Variants in POLR3H observed in about 807,000 individuals in gnomAD.
POLR3H encodes DNA-directed RNA polymerase III subunit RPC8.
POLR3H carries 17 observed loss-of-function variants against 25.5 expected under a neutral mutation model. The ratio of observed to expected loss-of-function variants is 0.67; its 90% confidence interval spans 0.46 to 1.00. The LOEUF (loss-of-function observed/expected upper bound fraction) is 1.00. Among genes scored for constraint, POLR3H ranks in the 50% least tolerant of loss-of-function variants. POLR3H has a pLI of 0.00. For synonymous variants in POLR3H, 129 were observed against 103.0 expected (o/e 1.25, Z -1.53); for missense variants, 274 against 265.0 (o/e 1.03, Z -0.24).
chr22:41,541,994 G>A (rs2066936028), intron 1 of POLR3H, among the ~76,000 whole-genome samples: 1 of 152,130 alleles, frequency 6.6e-6, no homozygotes, highest in Non-Finnish European at 1.5e-5. Flanking sequence ...ACAGGGCTGT[G>A]TGGCCTGGCC....
chr22:41,528,686 C>T lies in POLR3H; in HGVS notation c.*597G>A. ...TGTGCCATCAGTGGATCCGATCCGT[C>T]CAGCCATGGCTTCCTATTCCAAGAT... On this transcript the variant is annotated 3_prime_UTR_variant, in exon 6 of 6. Coordinates refer to ENST00000355209, the MANE Select transcript of POLR3H (RefSeq NM_001018050.4). 1.3e-6 allele frequency: 2 copies of T among 1,557,588 alleles called. No individual in the cohort carries two copies. The highest frequency in any genetic ancestry group is 1.7e-6 in the Non-Finnish European group (2 of 1,153,954).
At chr22:41,531,361 G>A (rs1601947643) in intron 4 of POLR3H, among the ~76,000 whole-genome samples, 1 of 152,360 alleles carries the variant, frequency 6.6e-6, no homozygotes, top group African/African-American at 2.4e-5. Flanking sequence ...AACCAGCCGG[G>A]CTGCGCCAGG....
At chr22:41,536,248 A>T (rs1473859847) in intron 2 of POLR3H, among the ~76,000 whole-genome samples, 1 of 151,630 alleles carries the variant, frequency 6.6e-6, no homozygotes, top group Admixed American at 6.6e-5. Flanking sequence ...AAAAAAAATT[A>T]GCCGGGCGTG....
At chr22:41,530,638 T>C (rs749397481) in intron 5 of POLR3H, 49 bp downstream of exon 5, 4 of 1,535,624 alleles carry the variant, frequency 2.6e-6, no homozygotes, top group Non-Finnish European at 2.7e-6. Context: ...AGCCCTGCAC[T>C]CCGGCTCTCC....
intron 1 of POLR3H, among the ~76,000 whole-genome samples, chr22:41,541,564 C>G (rs573331552): frequency 6.6e-6 from 1 of 152,188 alleles, no homozygotes; most frequent in African/African-American, 2.4e-5. Context: ...AGAGTCGTGG[C>G]CAGACCTCAC....
rs945176259 is a variant in POLR3H, at chr22:41,527,796, A to T, written c.*1487T>A. 24 of 1,557,648 alleles carry T rather than the reference A, an allele frequency of 1.5e-5. No homozygotes were observed. The highest frequency in any genetic ancestry group is 2.1e-5 in the Non-Finnish European group (24 of 1,146,356). On this transcript the variant is annotated 3_prime_UTR_variant, in exon 6 of 6. Coordinates refer to ENST00000355209, the MANE Select transcript of POLR3H (RefSeq NM_001018050.4). The stretch of plus-strand genomic sequence containing the variant: ...ATAGTCACTGCCCGGGCATTGTCCC[A>T]GGCAGCAGGATTAGGGGCATCTCCC...
At position 41,543,973 on chromosome 22, in the gene POLR3H, G is replaced by T. The variant is rs374288818; in HGVS notation, c.111+18C>A. On this transcript the variant is annotated intron_variant, in intron 1 of 5. Transcript: ENST00000355209. ...CTCTCCCACGCCAAGGCCTGCCCGCGAGCCGTGGGCCCAGTACCTTGTTGG... is the reference window on the plus strand; with the variant it reads ...CTCTCCCACGCCAAGGCCTGCCCGCTAGCCGTGGGCCCAGTACCTTGTTGG... The T allele has an allele frequency of 2.5e-6, 4 of 1,584,854 alleles. No individual in the cohort carries two copies. The highest frequency in any genetic ancestry group is 3.3e-4 in the Middle Eastern group (2 of 6,002).
intron 1 of POLR3H, among the ~76,000 whole-genome samples, chr22:41,542,069 G>A (rs1243954759): frequency 6.6e-6 from 1 of 151,518 alleles, no homozygotes; most frequent in Non-Finnish European, 1.5e-5. Context: ...CCACACCATG[G>A]TGGGTATTTT....
Position 41,527,829 on chromosome 22 carries a change from C to G in POLR3H, c.*1454G>C. The G allele has an allele frequency of 6.2e-7, 1 of 1,610,710 alleles. No individual in the cohort carries two copies. Among genetic ancestry groups the G allele is most frequent in the Non-Finnish European group, 8.5e-7 (1 of 1,178,562 alleles). On this transcript the variant is annotated 3_prime_UTR_variant, in exon 6 of 6. Coordinates refer to ENST00000355209, the MANE Select transcript of POLR3H (RefSeq NM_001018050.4). ...GGATTAGGGGCATCTCCCAGAGCCC[C>G]AGATGGGTTCAGAAAATGAAGCTCT... is the stretch of plus-strand genomic sequence containing the variant.
intron 1 of POLR3H, among the ~76,000 whole-genome samples, chr22:41,541,513 G>A (rs191077678): frequency 6.6e-6 from 1 of 152,174 alleles, no homozygotes; most frequent in Non-Finnish European, 1.5e-5. Context: ...TAGAACCCTT[G>A]CAAGAACTGT....
intron 1 of POLR3H, among the ~76,000 whole-genome samples, chr22:41,542,814 C>A (rs946571936): frequency 2.0e-5 from 3 of 151,996 alleles, no homozygotes; most frequent in Non-Finnish European, 4.4e-5. Flanking sequence ...ACCAGCCTGG[C>A]CAACATGGTG....
In POLR3H at chr22:41,529,356, C is replaced by A; in HGVS notation, c.562-20G>T. ...GGATCCCTGCCAGGGATAAAGAACACGCACATTTCACTGACATGCTGGCTT... is the reference window on the plus strand; with the variant it reads ...GGATCCCTGCCAGGGATAAAGAACAAGCACATTTCACTGACATGCTGGCTT... On this transcript the variant is annotated intron_variant, in intron 5 of 5. Transcript: ENST00000355209. The A allele has an allele frequency of 6.2e-7, 1 of 1,612,512 alleles. No individual in the cohort carries two copies. The highest frequency in any genetic ancestry group is 1.3e-5 in the African/African-American group (1 of 75,052).
rs998943101 is a variant in POLR3H at position 41,544,150 on chromosome 22, A to C, written c.-49T>G. 3 of 1,183,420 alleles carry C rather than the reference A, an allele frequency of 2.5e-6. No individual in the cohort carries two copies. The African/African-American group carries it at 4.5e-5, about 18-fold the overall frequency. 73.3% of individuals were successfully genotyped at this position (1,183,420 alleles called of 1,614,324 possible). A position where few individuals can be genotyped will look rare whatever the true frequency, so the allele number is the denominator to read the frequency against. On this transcript the variant is annotated 5_prime_UTR_variant, in exon 1 of 6. Transcript: ENST00000355209. ...GGAACAGGAGGGTCAGTCACGCACC[A>C]GGGCCGGGGGCAGGGAGAATCCCCG...
At chr22:41,534,704 C>T (rs1315993141) in intron 2 of POLR3H, among the ~76,000 whole-genome samples, 1 of 151,804 alleles carries the variant, frequency 6.6e-6, no homozygotes, top group South Asian at 2.1e-4. Flanking sequence ...CCATCCTGGC[C>T]GACATAGTGA....
rs1378417331 is a variant in POLR3H at position 41,531,684 on chromosome 22, C to T, written c.359+410G>A. ...GGACAACGGAGGCCCAGGAGGAACACATCTTAGCCCACGACCCGGCACACA... is the reference window on the plus strand; with the variant it reads ...GGACAACGGAGGCCCAGGAGGAACATATCTTAGCCCACGACCCGGCACACA... On this transcript the variant is annotated intron_variant, in intron 4 of 5. Coordinates refer to ENST00000355209, the MANE Select transcript of POLR3H (RefSeq NM_001018050.4). Among the ~76,000 whole-genome samples the T allele has an allele frequency of 2.6e-5, 4 of 152,234 alleles. No individual in the cohort carries two copies. The East Asian group carries it at 5.8e-4, about 22-fold the overall frequency.
intron 2 of POLR3H, among the ~76,000 whole-genome samples, chr22:41,536,791 G>A (rs746996924): frequency 4.0e-5 from 6 of 150,282 alleles, no homozygotes; most frequent in East Asian, 4.0e-4. Flanking sequence ...GCTTCAACCC[G>A]GGAGGCAGAG....
At position 41,526,647 on chromosome 22, in the gene POLR3H, T is replaced by C; in HGVS notation, c.*2636A>G. 1 of 533,022 alleles carries C rather than the reference T, an allele frequency of 1.9e-6. No homozygotes were observed. The highest frequency in any genetic ancestry group is 3.1e-5 in the East Asian group (1 of 32,542). The allele number at this position is 533,022 out of a possible 1,614,324, so 33.0% of individuals were successfully genotyped here. On this transcript the variant is annotated 3_prime_UTR_variant, in exon 6 of 6. Coordinates refer to ENST00000355209, the MANE Select transcript of POLR3H (RefSeq NM_001018050.4). ...AAGGCATGAGGCCCAGGTCCGGTGG[T>C]ACAGCCGGGTCCCTGCACCAGGAGG...
At chr22:41,531,002 GAAGTCACAGGAA>G (rs1220531230) in intron 4 of POLR3H, 114 bp from the exon 5 acceptor site, 1 of 1,004,030 alleles carries the variant, frequency 1.0e-6, no homozygotes. Flanking sequence ...CTGTGGCTGG[GAAGTCACAGGAA>G]AAGCAGGTCC....
Position 41,527,067 on chromosome 22 carries a change from A to G in POLR3H, c.*2216T>C. ...TGGCTTCTGTCTTCTTTGCCACTGCAAACAACCACGTGCCTCTGTCCCCTC... is the reference window on the plus strand; with the variant it reads ...TGGCTTCTGTCTTCTTTGCCACTGCGAACAACCACGTGCCTCTGTCCCCTC... On this transcript the variant is annotated 3_prime_UTR_variant, in exon 6 of 6. Coordinates refer to ENST00000355209, the MANE Select transcript of POLR3H (RefSeq NM_001018050.4). 3 of 637,822 alleles carry G rather than the reference A, an allele frequency of 4.7e-6. No individual in the cohort carries two copies. Among genetic ancestry groups the G allele is most frequent in the Non-Finnish European group, 8.0e-6 (3 of 374,834 alleles). The allele number at this position is 637,822 out of a possible 1,614,324, so 39.5% of individuals were successfully genotyped here.
Sources: gnomAD v4.1 joint callset for allele counts (sites outside exome capture counted in the v4.1 genomes callset) on GRCh38, gnomAD v4.1.1 for gene constraint, MANE v1.5 for transcripts, NCBI Gene and HGNC (gene_info 2026-07-23, HGNC 2026-07-21) for gene names.